MGST1: variants seen among roughly 807,000 people sequenced by gnomAD.
The protein encoded by MGST1 is microsomal glutathione S-transferase 1.
A neutral mutation model predicts 8.9 loss-of-function variants in MGST1; 5 were observed. The ratio of observed to expected loss-of-function variants is 0.56; its 90% CI spans 0.29 to 1.19. The LOEUF (loss-of-function observed/expected upper bound fraction) is 1.19, where lower values mean the gene tolerates loss of function less well. MGST1 is among the 50% of genes most tolerant of loss of function. The pLI, the probability that MGST1 is intolerant of heterozygous loss-of-function variation, is 0.08. For synonymous variants in MGST1, 54 were observed against 67.8 expected, an observed-to-expected ratio of 0.80 and a Z score of 1.00; for missense variants, 182 against 187.4, an observed-to-expected ratio of 0.97 and a Z score of 0.17.
In MGST1 at chr12:16,538,060, T is replaced by A. The variant is rs1011244963; in HGVS notation, n.483-51468T>A. ...TTTATGCTCTTTTTCCCTTTTAAAATGGAAAGCTTTTATCAGCATCCAAGT... is the reference window on the plus strand; with the variant it reads ...TTTATGCTCTTTTTCCCTTTTAAAAAGGAAAGCTTTTATCAGCATCCAAGT... On this transcript the variant is annotated intron_variant and non_coding_transcript_variant, in intron 4 of 4. Transcript: ENST00000538857. Among the ~76,000 whole-genome samples the A allele has an allele frequency of 2.6e-5, 4 of 152,302 alleles. No individual in the cohort carries two copies. The East Asian group carries it at 7.7e-4, about 29-fold the overall frequency.
intron 4 of MGST1, among the ~76,000 whole-genome samples, chr12:16,524,860 G>A (rs1941672140): frequency 6.6e-6 from 1 of 151,972 alleles, no homozygotes; most frequent in South Asian, 2.1e-4. Flanking sequence ...GATACCTAAT[G>A]AAATAATTAT....
rs1247631915 is a variant in MGST1 at position 16,555,531 on chromosome 12, T to G, written n.483-33997T>G. 6.6e-6 allele frequency among the ~76,000 whole-genome samples: 1 copy of G among 152,216 alleles called. No individual in the cohort carries two copies. The highest frequency in any genetic ancestry group is 1.5e-5 in the Non-Finnish European group (1 of 68,040). On this transcript the variant is annotated intron_variant and non_coding_transcript_variant, in intron 4 of 4. Coordinates refer to the MGST1 transcript ENST00000538857. The surrounding 1 kb of genome is among the most constrained non-coding windows in gnomAD (Gnocchi z 5.5). ...TCAATAAAAATTGGTTAAGGTAGAT[T>G]TATTCCAGAAACCAACAGCTTTAAA...
rs1161775335 is a variant in MGST1 at position 16,363,777 on chromosome 12, A to G, written c.222-18A>G. ...GTATTTTGAAATTAGTGTCTTTAAT[A>G]GTTATCTTTTTCCACAGAGCCCACC... On this transcript the variant is annotated intron_variant, in intron 3 of 3. Coordinates refer to ENST00000396210, the MANE Select transcript of MGST1 (RefSeq NM_020300.5). This position sits in a 1 kb window ranked among gnomAD's most constrained non-coding sequence, Gnocchi z 4.6. 1 of 1,575,106 alleles carries G rather than the reference A, an allele frequency of 6.3e-7. No individual in the cohort carries two copies.
intron 4 of MGST1, among the ~76,000 whole-genome samples, chr12:16,553,614 G>A (rs1942075044): frequency 6.6e-6 from 1 of 152,070 alleles, no homozygotes; most frequent in South Asian, 2.1e-4. Flanking sequence ...ACATGGATGA[G>A]GGATGTCACA....
chr12:16,349,434 C>G (rs143947336), intron 1 of MGST1, among the ~76,000 whole-genome samples: 6 of 152,100 alleles, frequency 3.9e-5, no homozygotes, highest in Non-Finnish European at 7.4e-5. Flanking sequence ...AAGACCAGAG[C>G]TGTTGAGAAT....
At chr12:16,472,554 A>G (rs955356060) in intron 4 of MGST1, among the ~76,000 whole-genome samples, 1 of 152,020 alleles carries the variant, frequency 6.6e-6, no homozygotes, top group African/African-American at 2.4e-5. Context: ...TGGAGATGGT[A>G]TCACATGACA....
downstream of MGST1, among the ~76,000 whole-genome samples, chr12:16,369,115 T>C (rs1940244355): frequency 6.6e-6 from 1 of 152,162 alleles, no homozygotes; most frequent in Non-Finnish European, 1.5e-5. The surrounding 1 kb of genome is among the most constrained non-coding windows in gnomAD (Gnocchi z 4.8). Flanking sequence ...AGTGAAGGAC[T>C]GAAGCAGTGT....
chr12:16,352,924 T>A (rs1454295572), intron 1 of MGST1, among the ~76,000 whole-genome samples: 1 of 152,150 alleles, frequency 6.6e-6, no homozygotes, highest in Admixed American at 6.5e-5. Flanking sequence ...TGATGACAAT[T>A]GTGATAAGGA....
intron 4 of MGST1, among the ~76,000 whole-genome samples, chr12:16,542,131 G>C (rs1228597439): frequency 1.3e-5 from 2 of 152,156 alleles, no homozygotes; most frequent in African/African-American, 2.4e-5. Context: ...ATAGCAAAGA[G>C]AGTAATTCCT....
intron 1 of MGST1, among the ~76,000 whole-genome samples, chr12:16,387,395 G>T (rs1940513042): frequency 1.3e-5 from 2 of 152,088 alleles, no homozygotes; most frequent in Admixed American, 1.3e-4. Context: ...AACCTACTGG[G>T]TTGCAAGTCA....
At chr12:16,519,378 G>A (rs1473268750) in intron 4 of MGST1, among the ~76,000 whole-genome samples, 4 of 152,110 alleles carry the variant, frequency 2.6e-5, no homozygotes, top group Non-Finnish European at 5.9e-5. Flanking sequence ...CCAAGTTATG[G>A]GTTATAGAAA....
chr12:16,466,062 A>T (rs985455305), intron 4 of MGST1, among the ~76,000 whole-genome samples: 1 of 152,236 alleles, frequency 6.6e-6, no homozygotes, highest in Non-Finnish European at 1.5e-5. Flanking sequence ...GACTTAGTGG[A>T]AACACTTGCA....
At chr12:16,382,100 G>A (rs965802819), downstream of MGST1, among the ~76,000 whole-genome samples, 11 of 151,990 alleles carry the variant, frequency 7.2e-5, no homozygotes, top group Non-Finnish European at 1.0e-4. Flanking sequence ...CCTGTAGCTC[G>A]GAGTAGTTTG....
intron 4 of MGST1, among the ~76,000 whole-genome samples, chr12:16,446,840 G>A (rs1229010133): frequency 6.6e-6 from 1 of 151,324 alleles, no homozygotes; most frequent in African/African-American, 2.4e-5. Flanking sequence ...AAATGCTTGG[G>A]GAACAGAGCC....
chr12:16,439,091 TGTATG>T (rs1941015880), downstream of MGST1, among the ~76,000 whole-genome samples: 2 of 149,046 alleles, frequency 1.3e-5, no homozygotes, highest in Non-Finnish European at 3.0e-5. Flanking sequence ...TAATATAAAT[TGTATG>T]GGAAAAGTAA....
intron 4 of MGST1, among the ~76,000 whole-genome samples, chr12:16,541,203 T>C (rs1288962471): frequency 6.6e-6 from 1 of 152,206 alleles, no homozygotes; most frequent in Admixed American, 6.5e-5. Flanking sequence ...TTTTAGTAAA[T>C]ACAATTGAGT....
rs992007627 is a variant in MGST1, at chr12:16,482,291, G to A, written n.482+98687G>A. On this transcript the variant is annotated intron_variant and non_coding_transcript_variant, in intron 4 of 4. Coordinates refer to the MGST1 transcript ENST00000538857. The surrounding 1 kb of genome is among the most constrained non-coding windows in gnomAD (Gnocchi z 4.2). ...GAAATATGTGAATACATTTAAAATA[G>A]ATTTTTCTGTGAGAAAAAGAAAAGG... 6.6e-6 allele frequency among the ~76,000 whole-genome samples: 1 copy of A among 152,064 alleles called. No individual in the cohort carries two copies. The highest frequency in any genetic ancestry group is 6.5e-5 in the Admixed American group (1 of 15,272).
intron 4 of MGST1, among the ~76,000 whole-genome samples, chr12:16,449,308 C>A (rs771127197): frequency 7.9e-5 from 12 of 151,792 alleles, no homozygotes; most frequent in Non-Finnish European, 1.6e-4. Context: ...AGGTGCCATA[C>A]ACTTTTAAGC....
rs151337829 is a variant in MGST1, at chr12:16,409,612, C to T, written n.778+26008C>T. Among the ~76,000 whole-genome samples the T allele has an allele frequency of 7.7e-3, 1,165 of 152,206 alleles. 19 individuals are homozygous for T. Among genetic ancestry groups the T allele is most frequent in the African/African-American group, 0.026 (1,096 of 41,532 alleles). ...ACTTAGTTTTTACCTCCCTAGAATA[C>T]AGAAGTGTAAGCAAATGGCTTCTAG... is the stretch of plus-strand genomic sequence containing the variant. On this transcript the variant is annotated intron_variant and non_coding_transcript_variant, in intron 1 of 1. Coordinates refer to the MGST1 transcript ENST00000359720.
Sources: allele counts gnomAD v4.1 joint callset (sites outside exome capture counted in the v4.1 genomes callset), GRCh38; gene constraint gnomAD v4.1.1; non-coding constraint Gnocchi (gnomAD v3.1); transcripts MANE v1.5; gene names NCBI Gene and HGNC (gene_info 2026-07-23, HGNC 2026-07-21).